Variants in FAF1 observed in about 807,000 individuals in gnomAD.
FAF1 encodes Fas associated factor 1.
A neutral mutation model predicts 92.5 loss-of-function variants in FAF1; 25 were observed. The ratio of observed to expected loss-of-function variants is 0.27; its 90% CI spans 0.20 to 0.38. The LOEUF (loss-of-function observed/expected upper bound fraction) is 0.38, where lower values mean the gene tolerates loss of function less well. FAF1 is among the 10% of genes least tolerant of loss of function. The pLI is 1.00. For missense variants in FAF1, 636 were observed against 793.3 expected, an observed-to-expected ratio of 0.80 and a Z score of 2.38; for synonymous variants, 234 against 273.2, an observed-to-expected ratio of 0.86 and a Z score of 1.42.
chr1:50,787,939 A>G, intron 4 of FAF1, 61 bp downstream of exon 4: 1 of 1,446,980 alleles, frequency 6.9e-7, no homozygotes, highest in Non-Finnish European at 9.6e-7. Flanking sequence ...TAAAAAAAAT[A>G]TAACCTGAAT....
At chr1:50,632,100 T>C (rs1653816123) in intron 8 of FAF1, among the ~76,000 whole-genome samples, 3 of 152,254 alleles carry the variant, frequency 2.0e-5, no homozygotes, top group East Asian at 1.9e-4. Flanking sequence ...GGGACTACTG[T>C]ATATCAAAGC....
chr1:50,642,843 TTTGTTG>T (rs933866988), intron 8 of FAF1, among the ~76,000 whole-genome samples: 11 of 152,110 alleles, frequency 7.2e-5, no homozygotes, highest in African/African-American at 2.7e-4. Context: ...TGTTTTCTTT[TTTGTTG>T]TTGTTGTTTG....
At chr1:50,728,508 G>C (rs928453845) in intron 6 of FAF1, among the ~76,000 whole-genome samples, 2 of 151,988 alleles carry the variant, frequency 1.3e-5, no homozygotes, top group Non-Finnish European at 2.9e-5. Context: ...CTAGTGGAGA[G>C]GGCCAGGCAC....
intron 6 of FAF1, among the ~76,000 whole-genome samples, chr1:50,730,905 C>T (rs962832317): frequency 6.6e-6 from 1 of 152,230 alleles, no homozygotes; most frequent in African/African-American, 2.4e-5. Context: ...GGACAGAGGA[C>T]TACCCTCCCA....
chr1:50,599,583 A>C (rs139154781), intron 8 of FAF1, among the ~76,000 whole-genome samples: 5 of 149,142 alleles, frequency 3.4e-5, no homozygotes, highest in African/African-American at 1.3e-4. Context: ...AAAAATTATT[A>C]AGTAATTTAA....
chr1:50,675,566 G>C lies in FAF1; in HGVS notation c.658-20038C>G, dbSNP rs147114445. ...TTTTCTGATTCTTTGCAAGAAGCCA[G>C]AAGTCAGGAATCCTGTTTCATTTTA... On this transcript the variant is annotated intron_variant, in intron 7 of 18. Coordinates refer to ENST00000396153, the MANE Select transcript of FAF1 (RefSeq NM_007051.3). Among the ~76,000 whole-genome samples the C allele has an allele frequency of 1.6e-3, 246 of 152,316 alleles. 2 individuals carry two copies. The highest frequency in any genetic ancestry group is 2.6e-3 in the Non-Finnish European group (174 of 68,020).
intron 7 of FAF1, among the ~76,000 whole-genome samples, chr1:50,671,045 G>GA (rs527303485): frequency 1.3e-3 from 197 of 151,496 alleles, no homozygotes; most frequent in African/African-American, 4.0e-3. Flanking sequence ...TACCTTATTT[G>GA]AAAAAAAAGG....
intron 8 of FAF1, among the ~76,000 whole-genome samples, chr1:50,649,132 T>G (rs530176540): frequency 6.6e-5 from 10 of 151,464 alleles, no homozygotes; most frequent in African/African-American, 1.7e-4. Flanking sequence ...CTGTGTGCAG[T>G]TTTCATTTTA....
intron 1 of FAF1, among the ~76,000 whole-genome samples, chr1:50,864,635 A>C (rs1163511025): frequency 6.6e-6 from 1 of 151,646 alleles, no homozygotes. Flanking sequence ...CTGGCTAGCC[A>C]TATGTAGAAA....
chr1:50,595,606 G>A (rs1016687788), intron 9 of FAF1, among the ~76,000 whole-genome samples: 5 of 151,934 alleles, frequency 3.3e-5, no homozygotes, highest in South Asian at 2.1e-4. Context: ...GCAGTGGCGC[G>A]ATCTCGGCTC....
Position 50,549,385 on chromosome 1 carries a change from G to A in FAF1, c.1269-9657C>T, listed in dbSNP as rs146759231. On this transcript the variant is annotated intron_variant, in intron 13 of 18. Coordinates refer to ENST00000396153, the MANE Select transcript of FAF1 (RefSeq NM_007051.3). ...GTGCAGTGGCATGATCATAGCTCAC[G>A]GAAGGCTTGAACTCCTGGGCTCAAG... Among the ~76,000 whole-genome samples, 107 of 152,094 alleles carry A rather than the reference G, an allele frequency of 7.0e-4. 3 individuals are homozygous for A. The East Asian group carries it at 0.02, about 28-fold the overall frequency.
chr1:50,691,667 C>T (rs200213992), intron 7 of FAF1, among the ~76,000 whole-genome samples: 24 of 151,512 alleles, frequency 1.6e-4, no homozygotes, highest in Non-Finnish European at 2.8e-4. Context: ...TCTCGGCTTA[C>T]GCAACCTCCA....
At chr1:50,848,409 C>G (rs1644320816) in intron 2 of FAF1, among the ~76,000 whole-genome samples, 1 of 152,058 alleles carries the variant, frequency 6.6e-6, no homozygotes, top group Admixed American at 6.6e-5. Flanking sequence ...ATTGTGAAAC[C>G]TAGGATAACT....
At chr1:50,721,289 G>T (rs1311698587) in intron 6 of FAF1, among the ~76,000 whole-genome samples, 1 of 151,752 alleles carries the variant, frequency 6.6e-6, no homozygotes, top group African/African-American at 2.4e-5. Context: ...ATCTCTGCTC[G>T]CTGCAACCTC....
At chr1:50,777,664 T>C (rs927583225) in intron 4 of FAF1, among the ~76,000 whole-genome samples, 1 of 150,960 alleles carries the variant, frequency 6.6e-6, no homozygotes, top group Non-Finnish European at 1.5e-5. Context: ...TGCAGATGGC[T>C]ACCAAGTTAG....
At chr1:50,538,927 G>A (rs1249796055) in intron 14 of FAF1, among the ~76,000 whole-genome samples, 1 of 152,194 alleles carries the variant, frequency 6.6e-6, no homozygotes, top group Non-Finnish European at 1.5e-5. Context: ...GTTTTAGCTT[G>A]AGGCACTTGA....
At position 50,756,470 on chromosome 1, in the gene FAF1, A is replaced by G. The variant is rs12067373; in HGVS notation, c.368-11695T>C. On this transcript the variant is annotated intron_variant, in intron 4 of 18. Coordinates refer to ENST00000396153, the MANE Select transcript of FAF1 (RefSeq NM_007051.3). ...TTCAACAAGTCTCCAGGAGGTTCCA[A>G]ACTTTCCTGCATTTTTCTGTCTTCT... Among the ~76,000 whole-genome samples the G allele has an allele frequency of 1.0e-2, 1,506 of 151,010 alleles. 22 individuals carry two copies. Among genetic ancestry groups the G allele is most frequent in the African/African-American group, 0.035 (1,428 of 40,336 alleles).
At chr1:50,657,412 T>G (rs1019687883) in intron 7 of FAF1, among the ~76,000 whole-genome samples, 3 of 150,740 alleles carry the variant, frequency 2.0e-5, no homozygotes, top group Non-Finnish European at 4.4e-5. Context: ...TGTTAAGACT[T>G]GAGGCCAGGC....
At chr1:50,455,612 G>T (rs1221387922) in intron 18 of FAF1, among the ~76,000 whole-genome samples, 1 of 152,112 alleles carries the variant, frequency 6.6e-6, no homozygotes, top group African/African-American at 2.4e-5. Flanking sequence ...TTTAATCACA[G>T]AATCACATAA....
Sources: allele counts gnomAD v4.1 joint callset (sites outside exome capture counted in the v4.1 genomes callset), GRCh38; gene constraint gnomAD v4.1.1; transcripts MANE v1.5; gene names NCBI Gene and HGNC (gene_info 2026-07-23, HGNC 2026-07-21).